Variants in ZBTB43 observed in about 807,000 individuals in gnomAD.
ZBTB43 encodes zinc finger and BTB domain-containing protein 43.
A neutral mutation model predicts 31.1 loss-of-function variants in ZBTB43; 6 were observed. The observed-to-expected ratio is 0.19, with a 90% CI of 0.11 to 0.38. ZBTB43 has a LOEUF of 0.38. Ranked by LOEUF, ZBTB43 falls within the 10% of genes least tolerant of loss-of-function variation. The pLI, the probability that ZBTB43 is intolerant of heterozygous loss-of-function variation, is 1.00. For synonymous variants in ZBTB43, 212 were observed against 221.7 expected (o/e 0.96, Z 0.39); for missense variants, 379 against 602.1 (o/e 0.63, Z 3.88).
At position 126,819,877 on chromosome 9, in the gene ZBTB43, G is replaced by T. The variant is rs1588359159; in HGVS notation, c.-24+10962G>T. 2.0e-5 allele frequency among the ~76,000 whole-genome samples: 3 copies of T among 152,198 alleles called. No homozygotes were observed. The South Asian group carries it at 6.2e-4, about 31-fold the overall frequency. ...TGAACACATGAATGATAAGAAAGTG[G>T]CAGCCTTAGTGCTGAGAGAAAGTTT... is the stretch of plus-strand genomic sequence containing the variant. On this transcript the variant is annotated intron_variant, in intron 2 of 2. Coordinates refer to ENST00000373464, the MANE Select transcript of ZBTB43 (RefSeq NM_014007.4).
rs2032863214 is a variant in ZBTB43, at chr9:126,835,642, A to T, written c.*1729A>T. The T allele has an allele frequency of 6.0e-6, 1 of 167,056 alleles. No individual in the cohort carries two copies. Among genetic ancestry groups the T allele is most frequent in the Non-Finnish European group, 1.5e-5 (1 of 68,118 alleles). 10.3% of individuals were successfully genotyped at this position (167,056 alleles called of 1,614,324 possible). ...GTTAACTCTTGTAAGCAAGATTACA[A>T]ACAGGGATTTATTCACAACACTGTA... On this transcript the variant is annotated 3_prime_UTR_variant, in exon 3 of 3. Coordinates refer to ENST00000373464, the MANE Select transcript of ZBTB43 (RefSeq NM_014007.4).
At chr9:126,811,614 A>G (rs2032251284) in intron 2 of ZBTB43, among the ~76,000 whole-genome samples, 2 of 151,902 alleles carry the variant, frequency 1.3e-5, no homozygotes, top group African/African-American at 4.8e-5. Flanking sequence ...GCCTTGCATT[A>G]CTCTTTATTT....
chr9:126,818,253 G>T (rs2032435951), intron 2 of ZBTB43, among the ~76,000 whole-genome samples: 1 of 150,216 alleles, frequency 6.7e-6, no homozygotes, highest in Non-Finnish European at 1.5e-5. Context: ...CTCCCAAGTA[G>T]CTGGGACTAC....
intron 2 of ZBTB43, among the ~76,000 whole-genome samples, chr9:126,816,537 A>G (rs2032389900): frequency 6.6e-6 from 1 of 152,204 alleles, no homozygotes; most frequent in Non-Finnish European, 1.5e-5. Flanking sequence ...GAATATATCC[A>G]CAGACCTGTG....
At position 126,833,007 on chromosome 9, in the gene ZBTB43, C is replaced by G; in HGVS notation, c.498C>G (p.Pro166=). Residue 166 remains proline, a synonymous_variant, in exon 3 of 3, where the codon CCC becomes CCG. Coordinates refer to ENST00000373464, the MANE Select transcript of ZBTB43 (RefSeq NM_014007.4). The surrounding 1 kb of genome is among the most constrained non-coding windows in gnomAD (Gnocchi z 7.9). ...ELGSGGHTDF[P]KAQELRDGEN... ...GCTCTGGGGGTCATACTGATTTTCC[C>G]AAAGCCCAAGAACTGAGAGATGGTG... is the stretch of plus-strand genomic sequence containing the variant. 1 of 1,613,850 alleles carries G rather than the reference C, an allele frequency of 6.2e-7. No individual in the cohort carries two copies. Among genetic ancestry groups the G allele is most frequent in the East Asian group, 2.2e-5 (1 of 44,866 alleles).
rs534030151 is a variant in ZBTB43, at chr9:126,805,549, A to T, written c.-147+417A>T. The stretch of plus-strand genomic sequence containing the variant: ...GAGCTGGGAGAAAGACTGCGCCTGG[A>T]CTTAGCTGATCTTCTGTTTAAGTAA... On this transcript the variant is annotated intron_variant, in intron 1 of 2. Transcript: ENST00000373464. Among the ~76,000 whole-genome samples the T allele has an allele frequency of 3.3e-4, 51 of 152,330 alleles. 1 individual carries two copies. In the South Asian group the frequency reaches 8.9e-3, roughly 27 times the overall value.
At chr9:126,819,342 A>G (rs1180744081) in intron 2 of ZBTB43, among the ~76,000 whole-genome samples, 1 of 134,468 alleles carries the variant, frequency 7.4e-6, no homozygotes, top group African/African-American at 2.9e-5. Context: ...AAGGAAGTCT[A>G]TCAGCATCAT....
intron 2 of ZBTB43, among the ~76,000 whole-genome samples, chr9:126,820,356 C>A (rs942623323): frequency 2.0e-5 from 3 of 152,142 alleles, no homozygotes; most frequent in Admixed American, 6.5e-5. Flanking sequence ...GCTCAGGTAC[C>A]ATTCCCAAAA....
At chr9:126,826,492 C>G in intron 2 of ZBTB43, among the ~76,000 whole-genome samples, 1 of 77,202 alleles carries the variant, frequency 1.3e-5, no homozygotes, top group East Asian at 7.4e-4. Context: ...GAGACAGAAT[C>G]TCGTATTGTT....
intron 2 of ZBTB43, among the ~76,000 whole-genome samples, chr9:126,825,043 C>G (rs1220011873): frequency 7.9e-5 from 12 of 152,126 alleles, no homozygotes; most frequent in Admixed American, 7.9e-4. Context: ...CTCCTGTACT[C>G]AAGTGATCCT....
intron 2 of ZBTB43, among the ~76,000 whole-genome samples, chr9:126,826,405 C>T (rs2119153494): frequency 6.7e-6 from 1 of 149,336 alleles, no homozygotes; most frequent in African/African-American, 2.4e-5. Flanking sequence ...CCTTGACCTT[C>T]CAAAGTGCTG....
intron 1 of ZBTB43, among the ~76,000 whole-genome samples, chr9:126,807,256 T>C (rs1484058508): frequency 2.0e-5 from 3 of 152,244 alleles, no homozygotes; most frequent in Non-Finnish European, 2.9e-5. Flanking sequence ...TTAGACTTTT[T>C]ATTATTGAAA....
rs191708460 is a variant in ZBTB43 at position 126,835,663 on chromosome 9, C to G, written c.*1750C>G. 1.2e-5 allele frequency: 2 copies of G among 166,842 alleles called. No individual in the cohort carries two copies. The highest frequency in any genetic ancestry group is 1.3e-4 in the Admixed American group (2 of 15,266). 10.3% of individuals were successfully genotyped at this position (166,842 alleles called of 1,614,324 possible). ...TACAAACAGGGATTTATTCACAACA[C>G]TGTATCATTCTCGATATATAAAAAG... On this transcript the variant is annotated 3_prime_UTR_variant, in exon 3 of 3. Coordinates refer to ENST00000373464, the MANE Select transcript of ZBTB43 (RefSeq NM_014007.4).
intron 2 of ZBTB43, among the ~76,000 whole-genome samples, chr9:126,827,531 G>A (rs2032668270): frequency 6.6e-6 from 1 of 152,162 alleles, no homozygotes; most frequent in Admixed American, 6.5e-5. Context: ...TCTCTTGGTT[G>A]CTGTGAGTGT....
intron 1 of ZBTB43, among the ~76,000 whole-genome samples, chr9:126,807,458 A>G (rs1451864086): frequency 6.6e-6 from 1 of 152,176 alleles, no homozygotes; most frequent in Non-Finnish European, 1.5e-5. Context: ...GTCATCAAGA[A>G]CATTGATGAG....
chr9:126,804,507 T>TTG (rs2032079291), upstream of ZBTB43, among the ~76,000 whole-genome samples: 1 of 150,812 alleles, frequency 6.6e-6, no homozygotes, highest in Admixed American at 6.6e-5. Flanking sequence ...TGTTGTTGTT[T>TTG]AAGAGTCTTG....
chr9:126,808,082 C>G (rs1028294770), intron 1 of ZBTB43, among the ~76,000 whole-genome samples: 2 of 152,154 alleles, frequency 1.3e-5, no homozygotes, highest in Admixed American at 1.3e-4. Flanking sequence ...CTGCCTTCTG[C>G]TTTCTTGATT....
In ZBTB43 at chr9:126,812,782, A is replaced by G. The variant is rs10987488; in HGVS notation, c.-24+3867A>G. ...TTATTTATCTTTTTATTATTGAGTC[A>G]TAAGAGTTCTTGAGGTATTCTGGAT... On this transcript the variant is annotated intron_variant, in intron 2 of 2. Coordinates refer to ENST00000373464, the MANE Select transcript of ZBTB43 (RefSeq NM_014007.4). Among the ~76,000 whole-genome samples, 5,572 of 152,202 alleles carry G rather than the reference A, an allele frequency of 0.037. 499 individuals are homozygous for G. In the East Asian group the frequency reaches 0.38, roughly 10 times the overall value.
rs182068158 is a variant in ZBTB43, at chr9:126,837,254, C to T, written c.*3341C>T. 337 of 167,228 alleles carry T rather than the reference C, an allele frequency of 2.0e-3. 3 individuals carry two copies. The highest frequency in any genetic ancestry group is 7.1e-3 in the African/African-American group (294 of 41,580). The allele number at this position is 167,228 out of a possible 1,614,324, so 10.4% of individuals were successfully genotyped here. On this transcript the variant is annotated 3_prime_UTR_variant, in exon 3 of 3. Coordinates refer to ENST00000373464, the MANE Select transcript of ZBTB43 (RefSeq NM_014007.4). ...GGGCTGTAGGTTGCCTGCAGGCGCTCCAGGCCCCCAGCCTGTTGATTCCGA... is the reference window on the plus strand; with the variant it reads ...GGGCTGTAGGTTGCCTGCAGGCGCTTCAGGCCCCCAGCCTGTTGATTCCGA...
Sources: gnomAD v4.1 joint callset for allele counts (sites outside exome capture counted in the v4.1 genomes callset) on GRCh38, gnomAD v4.1.1 for gene constraint, Gnocchi (gnomAD v3.1) non-coding constraint, MANE v1.5 for transcripts, NCBI Gene and HGNC (gene_info 2026-07-23, HGNC 2026-07-21) for gene names.